Variants in JAK1 observed in about 807,000 individuals in gnomAD.
JAK1 encodes Janus kinase 1.
Under a neutral mutation model 136.6 loss-of-function variants are expected in JAK1, and 16 were observed. That is an observed-to-expected ratio of 0.12 (90% CI 0.08 to 0.18). The LOEUF (loss-of-function observed/expected upper bound fraction) is 0.18. Ranked by LOEUF, JAK1 falls within the 10% of genes least tolerant of loss-of-function variation. JAK1 has a pLI of 1.00. For synonymous variants in JAK1, 492 were observed against 519.5 expected, an observed-to-expected ratio of 0.95 and a Z score of 0.72; for missense variants, 859 against 1,450.1, an observed-to-expected ratio of 0.59 and a Z score of 6.62.
intron 1 of JAK1, among the ~76,000 whole-genome samples, chr1:64,921,117 C>T (rs941553314): frequency 3.3e-5 from 5 of 152,220 alleles, no homozygotes; most frequent in East Asian, 3.9e-4. Context: ...AACTCATAAG[C>T]GTGCATGACT....
At chr1:64,955,869 C>CA (rs1211792712) in intron 1 of JAK1, among the ~76,000 whole-genome samples, 1 of 152,118 alleles carries the variant, frequency 6.6e-6, no homozygotes, top group Non-Finnish European at 1.5e-5. Context: ...TGGGGTGGGG[C>CA]AAAAGCAAAG....
chr1:65,045,933 C>T (rs975189767), intron 1 of JAK1, among the ~76,000 whole-genome samples: 1 of 152,176 alleles, frequency 6.6e-6, no homozygotes, highest in Non-Finnish European at 1.5e-5. Context: ...ATCTTAAACA[C>T]ATCAGTTAAT....
intron 2 of JAK1, among the ~76,000 whole-genome samples, chr1:65,017,818 CCTT>C (rs1377832992): frequency 4.6e-5 from 7 of 150,876 alleles, no homozygotes; most frequent in Non-Finnish European, 1.0e-4. Context: ...GTGAACTCTG[CCTT>C]TTTTTTTTTT....
chr1:64,971,350 G>T (rs555175087), upstream of JAK1, among the ~76,000 whole-genome samples: 1 of 152,140 alleles, frequency 6.6e-6, no homozygotes, highest in Non-Finnish European at 1.5e-5. Flanking sequence ...AACGAATGAA[G>T]TTTTTCATGC....
chr1:64,886,751 TACACACACAC>T (rs3838404), intron 1 of JAK1, among the ~76,000 whole-genome samples: 16 of 138,944 alleles, frequency 1.2e-4, no homozygotes, highest in East Asian at 4.3e-4. Context: ...CAACCTTGTC[TACACACACAC>T]ACACACACAC....
intron 1 of JAK1, among the ~76,000 whole-genome samples, chr1:64,957,141 AG>A (rs1023287411): frequency 1.3e-5 from 2 of 152,234 alleles, no homozygotes; most frequent in Non-Finnish European, 2.9e-5. Context: ...AGTGGGTGGG[AG>A]GAAGTGAAGG....
chr1:64,978,850 T>C (rs1204788306), intron 2 of JAK1, among the ~76,000 whole-genome samples: 1 of 150,188 alleles, frequency 6.7e-6, no homozygotes, highest in Non-Finnish European at 1.5e-5. Context: ...AGCTCTTTGA[T>C]AGATTAAAAA....
chr1:64,964,372 T>G (rs974478075), intron 1 of JAK1, among the ~76,000 whole-genome samples: 2 of 152,224 alleles, frequency 1.3e-5, no homozygotes, highest in African/African-American at 4.8e-5. Context: ...TATACCTTAG[T>G]GTTCTCTTGT....
chr1:64,939,000 G>A (rs1228819998), intron 1 of JAK1, among the ~76,000 whole-genome samples: 1 of 152,112 alleles, frequency 6.6e-6, no homozygotes, highest in African/African-American at 2.4e-5. Flanking sequence ...TCTTGAGACA[G>A]GGTCTCACTT....
chr1:65,048,498 G>C (rs1320779413), intron 1 of JAK1, among the ~76,000 whole-genome samples: 1 of 152,158 alleles, frequency 6.6e-6, no homozygotes, highest in Non-Finnish European at 1.5e-5. Context: ...CTTGTTATGA[G>C]AACACACGAG....
intron 1 of JAK1, among the ~76,000 whole-genome samples, chr1:64,954,027 C>A (rs1646138729): frequency 6.6e-6 from 1 of 152,092 alleles, no homozygotes; most frequent in Admixed American, 6.6e-5. Flanking sequence ...ATAGACACAT[C>A]AAGGCACATC....
chr1:64,875,089 T>C (rs917389829), intron 4 of JAK1, among the ~76,000 whole-genome samples: 3 of 152,248 alleles, frequency 2.0e-5, no homozygotes, highest in African/African-American at 7.2e-5. Flanking sequence ...TTAGACATTT[T>C]ATGGGCCCCT....
intron 2 of JAK1, among the ~76,000 whole-genome samples, chr1:64,971,811 G>A (rs752646733): frequency 2.2e-4 from 34 of 152,080 alleles, no homozygotes; most frequent in Non-Finnish European, 7.4e-5. Flanking sequence ...CACCCACCTC[G>A]GCCTTCCAAA....
intron 19 of JAK1, among the ~76,000 whole-genome samples, 193 bp downstream of exon 19, chr1:64,841,052 C>T (rs1476263144): frequency 6.6e-6 from 1 of 152,150 alleles, no homozygotes; most frequent in Non-Finnish European, 1.5e-5. Flanking sequence ...GCATTCCGTC[C>T]GTGCCGTGTG....
chr1:64,969,029 G>A (rs758139250), upstream of JAK1, among the ~76,000 whole-genome samples: 4 of 150,502 alleles, frequency 2.7e-5, no homozygotes, highest in Non-Finnish European at 4.4e-5. Flanking sequence ...AGGATCACTT[G>A]AGCCCAGGAG....
At chr1:64,996,244 A>G (rs1646702758) in intron 2 of JAK1, among the ~76,000 whole-genome samples, 1 of 152,202 alleles carries the variant, frequency 6.6e-6, no homozygotes, top group African/African-American at 2.4e-5. Context: ...TTTTCCTTCT[A>G]GTGCCATCAT....
chr1:64,939,362 A>T (rs1268632842), intron 1 of JAK1, among the ~76,000 whole-genome samples: 1 of 152,232 alleles, frequency 6.6e-6, no homozygotes, highest in Non-Finnish European at 1.5e-5. Context: ...ACAAGGAAAG[A>T]AGTTCAAACG....
intron 8 of JAK1, 21 bp downstream of exon 8, chr1:64,864,764 AAG>A (rs1656587451): frequency 6.3e-7 from 1 of 1,580,806 alleles, no homozygotes; most frequent in Non-Finnish European, 8.7e-7. Flanking sequence ...ATCCAGACTT[AAG>A]AGCTTCTGGG....
At chr1:64,926,017 G>C (rs1308705906) in intron 1 of JAK1, among the ~76,000 whole-genome samples, 1 of 152,126 alleles carries the variant, frequency 6.6e-6, no homozygotes, top group African/African-American at 2.4e-5. Context: ...TCAAATAAAA[G>C]CCAAAACAAA....
Sources: gnomAD v4.1 joint callset for allele counts (sites outside exome capture counted in the v4.1 genomes callset) on GRCh38, gnomAD v4.1.1 for gene constraint, MANE v1.5 for transcripts, NCBI Gene and HGNC (gene_info 2026-07-23, HGNC 2026-07-21) for gene names.